The following CCDC116 variants were observed in gnomAD, a reference collection of about 807,000 sequenced individuals.
CCDC116 encodes the protein coiled-coil domain containing 116.
A neutral mutation model predicts 29.4 loss-of-function variants in CCDC116; 24 were observed. The ratio of observed to expected loss-of-function variants is 0.82; its 90% CI spans 0.59 to 1.15. CCDC116 has a LOEUF of 1.15. Among genes scored for constraint, CCDC116 ranks in the 50% most tolerant of loss-of-function variants. The pLI is 0.00. For missense variants in CCDC116, 791 were observed against 804.0 expected, an observed-to-expected ratio of 0.98 and a Z score of 0.20; for synonymous variants, 298 against 331.4, an observed-to-expected ratio of 0.90 and a Z score of 1.10.
At position 21,637,148 on chromosome 22, in the gene CCDC116, C is replaced by A; in HGVS notation, c.*78C>A. ...GCCACGGTGACCCACCATGAAGTCCCCACTAGCCACTCGATTCCCTGCTCT... is the reference window on the plus strand; with the variant it reads ...GCCACGGTGACCCACCATGAAGTCCACACTAGCCACTCGATTCCCTGCTCT... On this transcript the variant is annotated 3_prime_UTR_variant, in exon 5 of 5. Transcript: ENST00000292779. 1 of 1,469,000 alleles carries A rather than the reference C, an allele frequency of 6.8e-7. No individual in the cohort carries two copies. The allele number at this position is 1,469,000 out of a possible 1,614,324, so 91.0% of individuals were successfully genotyped here.
At position 21,636,625 on chromosome 22, in the gene CCDC116, T is replaced by G. The variant is rs200460522; in HGVS notation, c.1397T>G (p.Phe466Cys). ...DLSKQLGFFS[F>C]PITHVLRDLS... ...AGTAAGCAGCTGGGCTTCTTCTCCT[T>G]CCCCATCACCCACGTGCTCAGGGAC... The change falls in exon 5 of 5, where the codon TTC becomes TGC. Residue 466 changes from phenylalanine (F) to cysteine (C), a missense_variant. By Grantham distance (205) the Phe-to-Cys change is radical. Transcript: ENST00000292779. 3.7e-6 allele frequency: 6 copies of G among 1,614,014 alleles called. No individual in the cohort carries two copies. The Admixed American group carries it at 1.0e-4, about 27-fold the overall frequency.
Position 21,637,194 on chromosome 22 carries a change from C to T in CCDC116, c.*124C>T. 7.1e-7 allele frequency: 1 copy of T among 1,399,430 alleles called. No homozygotes were observed. Among genetic ancestry groups the T allele is most frequent in the Non-Finnish European group, 9.4e-7 (1 of 1,062,840 alleles). 86.7% of individuals were successfully genotyped at this position (1,399,430 alleles called of 1,614,324 possible). A position where few individuals can be genotyped will look rare whatever the true frequency, so the allele number is the denominator to read the frequency against. On this transcript the variant is annotated 3_prime_UTR_variant, in exon 5 of 5. Transcript: ENST00000292779. ...GCTCTGTCAGAGTTGCTGCACATCACACCAGCCCCTGCCAAGAGCAGGAGT... is the reference window on the plus strand; with the variant it reads ...GCTCTGTCAGAGTTGCTGCACATCATACCAGCCCCTGCCAAGAGCAGGAGT...
chr22:21,635,390 C>A (rs1478566748), intron 4 of CCDC116, 124 bp downstream of exon 4: 2 of 916,050 alleles, frequency 2.2e-6, no homozygotes, highest in Admixed American at 2.0e-5. Context: ...GAGGGCCCAG[C>A]CCTGGCAGGG....
chr22:21,634,258 G>A lies in CCDC116; in HGVS notation c.309G>A (p.Glu103=), dbSNP rs774471389. 9 of 1,614,096 alleles carry A rather than the reference G, an allele frequency of 5.6e-6. No homozygotes were observed. The Admixed American group carries it at 1.5e-4, about 27-fold the overall frequency. Reference sequence around the variant, plus strand: ...AGCGCATGGCTGCCATGAAGACGGAGGCTGGGGTGCCGCTTGTGGAGGTGC... The same window carrying A: ...AGCGCATGGCTGCCATGAAGACGGAAGCTGGGGTGCCGCTTGTGGAGGTGC... ...ATERMAAMKT[E]AGVPLVEVQD... is the part of the protein sequence containing the mutation. The change falls in exon 3 of 5, where the codon GAG becomes GAA. Residue 103 remains glutamate (E), a synonymous_variant. Coordinates refer to ENST00000292779, the MANE Select transcript of CCDC116 (RefSeq NM_152612.3).
At position 21,636,876 on chromosome 22, in the gene CCDC116, T is replaced by C. The variant is rs780164622; in HGVS notation, c.1648T>C (p.Leu550=). Residue 550 remains leucine, a synonymous_variant, in exon 5 of 5, where the codon TTG becomes CTG. Coordinates refer to ENST00000292779, the MANE Select transcript of CCDC116 (RefSeq NM_152612.3). ...TEPCRSLYTN[L]PASRQLSPLE... Reference sequence around the variant, plus strand: ...GCCCTGCCGCTCCCTCTACACCAACTTGCCAGCCAGCCGGCAGCTCAGCCC... The same window carrying C: ...GCCCTGCCGCTCCCTCTACACCAACCTGCCAGCCAGCCGGCAGCTCAGCCC... 6.2e-7 allele frequency: 1 copy of C among 1,613,646 alleles called. No homozygotes were observed. Among genetic ancestry groups the C allele is most frequent in the Non-Finnish European group, 8.5e-7 (1 of 1,180,022 alleles).
chr22:21,635,027 G>A lies in CCDC116; in HGVS notation c.964G>A (p.Asp322Asn). The A allele has an allele frequency of 6.2e-7, 1 of 1,610,784 alleles. No individual in the cohort carries two copies. ...ALQSVVSQAVDKLRGAHCRDG... is the reference protein window; with the variant it reads ...ALQSVVSQAVNKLRGAHCRDG... Reference sequence around the variant, plus strand: ...GCAAAGCGTGGTCAGCCAGGCTGTGGATAAGCTCCGTGGCGCCCACTGCCG... The same window carrying A: ...GCAAAGCGTGGTCAGCCAGGCTGTGAATAAGCTCCGTGGCGCCCACTGCCG... Residue 322 changes from aspartate to asparagine, a missense_variant, in exon 4 of 5, where the codon GAT becomes AAT. Asp to Asn is a conservative substitution (Grantham distance 23). Coordinates refer to ENST00000292779, the MANE Select transcript of CCDC116 (RefSeq NM_152612.3).
Position 21,636,919 on chromosome 22 carries a change from A to C in CCDC116, c.1691A>C (p.Tyr564Ser). 1 of 1,613,844 alleles carries C rather than the reference A, an allele frequency of 6.2e-7. No homozygotes were observed. The highest frequency in any genetic ancestry group is 8.5e-7 in the Non-Finnish European group (1 of 1,180,040). Residue 564 changes from tyrosine to serine, a missense_variant, in exon 5 of 5, where the codon TAC becomes TCC. Physicochemically the swap from Tyr to Ser is moderately radical, Grantham distance 144. Transcript: ENST00000292779. ...RQLSPLEPKL[Y>S]MSACTGMGSS... Reference sequence around the variant, plus strand: ...CTCAGCCCTTTGGAGCCCAAGCTCTACATGTCTGCCTGCACCGGCATGGGT... The same window carrying C: ...CTCAGCCCTTTGGAGCCCAAGCTCTCCATGTCTGCCTGCACCGGCATGGGT...
At chr22:21,635,368 G>A (rs1202571084) in intron 4 of CCDC116, 102 bp downstream of exon 4, 2 of 1,051,044 alleles carry the variant, frequency 1.9e-6, no homozygotes, top group Admixed American at 4.0e-5. Context: ...CTGTTTCCCT[G>A]AGCTCCAGCC....
rs763382560 is a variant in CCDC116 at position 21,634,364 on chromosome 22, C to T, written c.415C>T (p.Arg139Trp). ...SLSTVHRHRV[R>W]PTLCTGHPNN... ...CAGCACCGTACACCGGCACCGTGTA[C>T]GGCCGACCCTCTGCACTGGACACCC... The change falls in exon 3 of 5, where the codon CGG becomes TGG. Residue 139 changes from arginine (R) to tryptophan (W), a missense_variant. Physicochemically the swap from Arg to Trp is moderately radical, Grantham distance 101. Transcript: ENST00000292779. The T allele has an allele frequency of 4.4e-5, 71 of 1,612,958 alleles. No individual in the cohort carries two copies. In the African/African-American group the frequency reaches 4.5e-4, roughly 10 times the overall value.
rs372679834 is a variant in CCDC116, at chr22:21,634,188, G to T, written c.239G>T (p.Ser80Ile). 1.3e-5 allele frequency: 21 copies of T among 1,614,164 alleles called. No individual in the cohort carries two copies. The highest frequency in any genetic ancestry group is 1.5e-5 in the Non-Finnish European group (18 of 1,180,060). The change falls in exon 3 of 5, where the codon AGC becomes ATC. Residue 80 changes from serine to isoleucine, a missense_variant. Physicochemically the swap from Ser to Ile is moderately radical, Grantham distance 142. Coordinates refer to ENST00000292779, the MANE Select transcript of CCDC116 (RefSeq NM_152612.3). Reference sequence around the variant, plus strand: ...CACTTTCTGGATTTCCTAACTGAGAGCCAGGTCCTGGACAGCCTGGAGACA... The same window carrying T: ...CACTTTCTGGATTTCCTAACTGAGATCCAGGTCCTGGACAGCCTGGAGACA... ...FGHFLDFLTE[S>I]QVLDSLETVV...
chr22:21,635,670 AAG>A (rs140863589), intron 4 of CCDC116: 20,387 of 685,388 alleles, frequency 0.03, 417 homozygotes, highest in Middle Eastern at 0.064. Context: ...ACAGGTGCTC[AAG>A]GTCAAGGTCT....
At position 21,634,816 on chromosome 22, in the gene CCDC116, C is replaced by T. The variant is rs370484007; in HGVS notation, c.753C>T (p.Gly251=). Residue 251 remains glycine (G), a synonymous_variant, in exon 4 of 5, where the codon GGC becomes GGT. Transcript: ENST00000292779. ...CAGGGCTGCTGGGCTCAAGCTCTGG[C>T]GTGCCTGAAGCATCAGAGCCGAGGC... ...WFSGLLGSSS[G]VPEASEPRPG... 4.0e-5 allele frequency: 65 copies of T among 1,613,880 alleles called. No individual in the cohort carries two copies. The highest frequency in any genetic ancestry group is 1.2e-4 in the Admixed American group (7 of 59,996).
rs1930742698 is a variant in CCDC116 at position 21,635,173 on chromosome 22, C to G, written c.1110C>G (p.Val370=). Residue 370 remains valine, a synonymous_variant, in exon 4 of 5, where the codon GTC becomes GTG. Transcript: ENST00000292779. ...GQPYASPRPT[V]SSPKMLQRKR... ...CCTATGCTTCCCCCCGCCCCACAGT[C>G]TCCAGCCCCAAGATGCTTCAGAGAA... 1 of 1,601,170 alleles carries G rather than the reference C, an allele frequency of 6.2e-7. No individual in the cohort carries two copies. The highest frequency in any genetic ancestry group is 8.5e-7 in the Non-Finnish European group (1 of 1,179,954).
chr22:21,636,463 AG>A lies in CCDC116; in HGVS notation c.1236del (p.Lys413SerfsTer27), dbSNP rs1930804269. The A allele has an allele frequency of 6.2e-7, 1 of 1,613,558 alleles. No homozygotes were observed. Among genetic ancestry groups the A allele is most frequent in the African/African-American group, 1.3e-5 (1 of 74,900 alleles). On this transcript the variant is annotated frameshift_variant, in exon 5 of 5. Coordinates refer to ENST00000292779, the MANE Select transcript of CCDC116 (RefSeq NM_152612.3). LOFTEE classifies it low-confidence loss of function (END_TRUNC). The stretch of plus-strand genomic sequence containing the variant: ...TGCAGCAGCAGCAGGTTCACGAAGA[AG>A]AAGCCGCTGCCCTCCATCTCGTCGA... ...SPCSSSRFTK[K>X]KPLPSISSKS...
In CCDC116 at chr22:21,634,851, A is replaced by G. The variant is rs1601462673; in HGVS notation, c.788A>G (p.Gln263Arg). 1 of 1,613,978 alleles carries G rather than the reference A, an allele frequency of 6.2e-7. No individual in the cohort carries two copies. The highest frequency in any genetic ancestry group is 1.6e-4 in the Middle Eastern group (1 of 6,062). Residue 263 changes from glutamine to arginine, a missense_variant, in exon 4 of 5, where the codon CAG (glutamine) becomes CGG (arginine). Gln to Arg is a conservative substitution (Grantham distance 43, BLOSUM62 1). Coordinates refer to ENST00000292779, the MANE Select transcript of CCDC116 (RefSeq NM_152612.3). ...PEASEPRPGE[Q>R]EPIFRKREFN... ...GCATCAGAGCCGAGGCCTGGAGAACAGGAGCCAATCTTCCGCAAGCGAGAG... is the reference window on the plus strand; with the variant it reads ...GCATCAGAGCCGAGGCCTGGAGAACGGGAGCCAATCTTCCGCAAGCGAGAG...
At chr22:21,636,337 C>A in intron 4 of CCDC116, 95 bp from the exon 5 acceptor site, 1 of 1,172,580 alleles carries the variant, frequency 8.5e-7, no homozygotes, top group Admixed American at 2.1e-5. Flanking sequence ...GCTGGCAGGG[C>A]TCTGAGGAGG....
chr22:21,633,936 C>A, intron 2 of CCDC116, 86 bp from the exon 3 acceptor site: 1 of 1,341,596 alleles, frequency 7.5e-7, no homozygotes, highest in Non-Finnish European at 1.0e-6. Flanking sequence ...TTCCACTACT[C>A]ACTCCCACCC....
rs1198911071 is a variant in CCDC116, at chr22:21,637,267, G to A, written c.*197G>A. On this transcript the variant is annotated 3_prime_UTR_variant, in exon 5 of 5. Transcript: ENST00000292779. ...AGGAGCTCTGCTGAGACTCTCAAGG[G>A]AGCCAGTGAAAGAAATAGAAATAAA... The A allele has an allele frequency of 1.5e-6, 1 of 651,058 alleles. No individual in the cohort carries two copies. The highest frequency in any genetic ancestry group is 1.8e-5 in the African/African-American group (1 of 54,396). 40.3% of individuals were successfully genotyped at this position (651,058 alleles called of 1,614,324 possible). A position where few individuals can be genotyped will look rare whatever the true frequency, so the allele number is the denominator to read the frequency against.
chr22:21,632,948 C>T, intron 1 of CCDC116, 121 bp downstream of exon 1: 1 of 687,562 alleles, frequency 1.5e-6, no homozygotes, highest in Non-Finnish European at 2.7e-6. Flanking sequence ...AGCGATTCCA[C>T]CCCGATGACT....
Sources: allele counts gnomAD v4.1 joint callset, GRCh38; gene constraint gnomAD v4.1.1; transcripts MANE v1.5; gene names NCBI Gene and HGNC (gene_info 2026-07-23, HGNC 2026-07-21).